The following DCLK1 variants were observed in gnomAD, a reference collection of about 807,000 sequenced individuals.
DCLK1 encodes doublecortin like kinase 1.
Under a neutral mutation model 86.2 loss-of-function variants are expected in DCLK1, and 16 were observed. The observed-to-expected ratio is 0.19, with a 90% confidence interval of 0.13 to 0.28. DCLK1 has a LOEUF of 0.28. Ranked by LOEUF, DCLK1 falls within the 10% of genes least tolerant of loss-of-function variation. The pLI is 1.00. For synonymous variants in DCLK1, 369 were observed against 370.5 expected, an observed-to-expected ratio of 1.00 and a Z score of 0.05; for missense variants, 590 against 940.2, an observed-to-expected ratio of 0.63 and a Z score of 4.87.
rs546060481 is a variant in DCLK1, at chr13:35,988,779, T to C, written c.724-41322A>G. Among the ~76,000 whole-genome samples, 87 of 152,326 alleles carry C rather than the reference T, an allele frequency of 5.7e-4. No individual in the cohort carries two copies. In the Middle Eastern group the frequency reaches 0.017, roughly 30 times the overall value. On this transcript the variant is annotated intron_variant, in intron 3 of 16. Transcript: ENST00000360631. ...AGATGACGAAGGAAAGTTGCCCATG[T>C]TGCAATGAGCTTCTGATTTTATCTT...
chr13:35,836,347 G>T (rs954858760), intron 7 of DCLK1, among the ~76,000 whole-genome samples: 7 of 152,158 alleles, frequency 4.6e-5, no homozygotes, highest in African/African-American at 1.7e-4. Flanking sequence ...AAAATAAAAA[G>T]AAACGTAAGG....
intron 3 of DCLK1, among the ~76,000 whole-genome samples, chr13:35,977,489 A>G (rs1183260299): frequency 1.3e-5 from 2 of 152,224 alleles, no homozygotes; most frequent in African/African-American, 2.4e-5. Flanking sequence ...ACTTAAGCAC[A>G]TGGTTCTCCA....
chr13:35,985,940 A>G (rs1455567129), intron 3 of DCLK1, among the ~76,000 whole-genome samples: 1 of 152,174 alleles, frequency 6.6e-6, no homozygotes, highest in African/African-American at 2.4e-5. Context: ...GGAAAAGTAA[A>G]AAGTCCAAAC....
At chr13:36,090,852 C>T (rs972357652) in intron 3 of DCLK1, among the ~76,000 whole-genome samples, 26 of 152,156 alleles carry the variant, frequency 1.7e-4, no homozygotes, top group Admixed American at 1.6e-3. Flanking sequence ...CCAGCCCCCA[C>T]CCTACCCCAC....
At chr13:36,042,699 T>C (rs2153155510) in intron 3 of DCLK1, among the ~76,000 whole-genome samples, 1 of 152,294 alleles carries the variant, frequency 6.6e-6, no homozygotes, top group African/African-American at 2.4e-5. Flanking sequence ...AGGTCTCTAG[T>C]AGGCATCTAA....
intron 3 of DCLK1, among the ~76,000 whole-genome samples, chr13:36,110,033 A>T (rs536364791): frequency 2.0e-5 from 3 of 152,346 alleles, no homozygotes; most frequent in Non-Finnish European, 4.4e-5. Flanking sequence ...GAAGTGCAGC[A>T]GGGAGAGGGA....
intron 6 of DCLK1, chr13:35,847,228 A>T (rs1314307196): frequency 2.0e-6 from 2 of 984,980 alleles, no homozygotes; most frequent in East Asian, 1.1e-4. Context: ...AGTATATCTG[A>T]ATATTTTGAA....
intron 4 of DCLK1, among the ~76,000 whole-genome samples, chr13:35,919,190 C>G (rs141632322): frequency 6.6e-6 from 1 of 152,072 alleles, no homozygotes; most frequent in South Asian, 2.1e-4. Flanking sequence ...CCACACTCGG[C>G]CCCCAAGAGT....
At chr13:35,965,709 A>G (rs999885347) in intron 3 of DCLK1, among the ~76,000 whole-genome samples, 12 of 152,110 alleles carry the variant, frequency 7.9e-5, no homozygotes, top group African/African-American at 2.4e-4. Context: ...AGAATCAACT[A>G]TGCTTAATCC....
intron 3 of DCLK1, among the ~76,000 whole-genome samples, chr13:36,087,742 TG>T (rs1443535044): frequency 6.6e-6 from 1 of 151,930 alleles, no homozygotes; most frequent in Non-Finnish European, 1.5e-5. Flanking sequence ...CAGGTTTGAT[TG>T]GGAGTGGGCA....
chr13:35,787,978 G>A (rs538338536), intron 16 of DCLK1: 6 of 517,964 alleles, frequency 1.2e-5, no homozygotes, highest in African/African-American at 9.6e-5. Flanking sequence ...AAGGAAAATT[G>A]ATACTGAGCA....
chr13:35,874,084 TA>T (rs1872457629), intron 4 of DCLK1, among the ~76,000 whole-genome samples: 1 of 152,168 alleles, frequency 6.6e-6, no homozygotes, highest in Non-Finnish European at 1.5e-5. Context: ...TTATATATTT[TA>T]AATCCCATTT....
At chr13:35,894,457 G>A (rs1273998860) in intron 4 of DCLK1, among the ~76,000 whole-genome samples, 1 of 152,210 alleles carries the variant, frequency 6.6e-6, no homozygotes, top group Non-Finnish European at 1.5e-5. Flanking sequence ...AGAGGAGGGA[G>A]ATTACTCCAG....
At chr13:36,004,770 G>A (rs1880875483) in intron 3 of DCLK1, among the ~76,000 whole-genome samples, 1 of 152,050 alleles carries the variant, frequency 6.6e-6, no homozygotes, top group Non-Finnish European at 1.5e-5. Context: ...TAGAAACAGG[G>A]TTTTGCCATG....
chr13:35,939,782 C>T (rs1034209607), intron 4 of DCLK1, among the ~76,000 whole-genome samples: 4 of 152,138 alleles, frequency 2.6e-5, no homozygotes, highest in African/African-American at 7.2e-5. Flanking sequence ...CAACACATAC[C>T]ATCCATCTCA....
At chr13:35,875,527 A>G (rs1872540541) in intron 4 of DCLK1, among the ~76,000 whole-genome samples, 1 of 152,220 alleles carries the variant, frequency 6.6e-6, no homozygotes. Context: ...CCAAGTACCA[A>G]AAAGAAACTT....
chr13:35,999,727 G>C (rs2153145578), intron 3 of DCLK1, among the ~76,000 whole-genome samples: 1 of 152,274 alleles, frequency 6.6e-6, no homozygotes, highest in Non-Finnish European at 1.5e-5. Flanking sequence ...CCTCATTACT[G>C]CTACCTGATG....
At chr13:35,939,299 C>T (rs1382604359) in intron 4 of DCLK1, among the ~76,000 whole-genome samples, 6 of 152,264 alleles carry the variant, frequency 3.9e-5, no homozygotes, top group Non-Finnish European at 7.4e-5. Flanking sequence ...TCAATGCAAT[C>T]GGGAATGATC....
chr13:35,783,657 C>T (rs1449082795), intron 16 of DCLK1, among the ~76,000 whole-genome samples: 1 of 150,918 alleles, frequency 6.6e-6, no homozygotes, highest in African/African-American at 2.4e-5. Context: ...GTGATCTCGG[C>T]TCATTGCATT....
Sources: allele counts gnomAD v4.1 joint callset (sites outside exome capture counted in the v4.1 genomes callset), GRCh38; gene constraint gnomAD v4.1.1; transcripts MANE v1.5; gene names NCBI Gene and HGNC (gene_info 2026-07-23, HGNC 2026-07-21).